The following TENM2 variants were observed in gnomAD, a reference collection of about 807,000 sequenced individuals.
TENM2 encodes the protein teneurin-2.
A neutral mutation model predicts 245.2 loss-of-function variants in TENM2; 52 were observed. The ratio of observed to expected loss-of-function variants is 0.21; its 90% confidence interval spans 0.17 to 0.27. The LOEUF (loss-of-function observed/expected upper bound fraction) is 0.27. Ranked by LOEUF, TENM2 falls within the 10% of genes least tolerant of loss-of-function variation. TENM2 has a pLI of 1.00. For synonymous variants in TENM2, 1,363 were observed against 1,438.9 expected, an observed-to-expected ratio of 0.95 and a Z score of 1.19; for missense variants, 3,046 against 3,666.8, an observed-to-expected ratio of 0.83 and a Z score of 4.37.
the TENM2 span, among the ~76,000 whole-genome samples, chr5:167,228,355 T>C: frequency 6.6e-6 from 1 of 151,726 alleles, no homozygotes; most frequent in South Asian, 2.1e-4. Context: ...TGCTTGATCG[T>C]GTCTATTGTT....
intron 2 of TENM2, among the ~76,000 whole-genome samples, chr5:167,421,348 C>T (rs537809617): frequency 1.3e-5 from 2 of 152,254 alleles, no homozygotes; most frequent in South Asian, 4.1e-4. Context: ...ATTAACATTT[C>T]CAGTGTACAC....
chr5:167,908,648 TC>T (rs1419759009), intron 3 of TENM2, among the ~76,000 whole-genome samples: 15 of 126,146 alleles, frequency 1.2e-4, no homozygotes, highest in Non-Finnish European at 2.3e-4. Context: ...CCTCCTCTCT[TC>T]CCCTCTTTGC....
the TENM2 span, among the ~76,000 whole-genome samples, chr5:167,162,470 A>G: frequency 6.6e-6 from 1 of 151,868 alleles, no homozygotes; most frequent in Non-Finnish European, 1.5e-5. Context: ...TCTACTAAAA[A>G]TACAAAATTT....
chr5:168,017,481 C>G (rs1034509291), intron 5 of TENM2, among the ~76,000 whole-genome samples: 2 of 152,176 alleles, frequency 1.3e-5, no homozygotes, highest in African/African-American at 4.8e-5. Context: ...GTCCTTTGCT[C>G]ACTTTATTTG....
intron 1 of TENM2, among the ~76,000 whole-genome samples, chr5:167,351,231 CAATT>C (rs1055907019): frequency 1.1e-4 from 16 of 151,292 alleles, no homozygotes; most frequent in East Asian, 3.9e-4. Context: ...AGATCAACCA[CAATT>C]AATTTCTTAT....
At chr5:167,831,020 G>C (rs924369085) in intron 2 of TENM2, among the ~76,000 whole-genome samples, 2 of 152,118 alleles carry the variant, frequency 1.3e-5, no homozygotes, top group African/African-American at 4.8e-5. Context: ...CTTGCTCTGT[G>C]TTGTGAGTTT....
chr5:167,315,383 T>C (rs1193253335), intron 1 of TENM2, among the ~76,000 whole-genome samples: 1 of 152,170 alleles, frequency 6.6e-6, no homozygotes, highest in Non-Finnish European at 1.5e-5. Context: ...ATAACATGAC[T>C]GTTTTCTCTA....
intron 2 of TENM2, among the ~76,000 whole-genome samples, chr5:167,669,736 G>A (rs1755811472): frequency 6.6e-6 from 1 of 152,088 alleles, no homozygotes; most frequent in Non-Finnish European, 1.5e-5. Context: ...TGGCAGATGG[G>A]GGAGGGAGTG....
the TENM2 span, among the ~76,000 whole-genome samples, chr5:166,979,558 A>C: frequency 6.6e-6 from 1 of 152,106 alleles, no homozygotes; most frequent in Admixed American, 6.5e-5. Flanking sequence ...TTTAATGCTT[A>C]AGGCTTTTTT....
intron 2 of TENM2, among the ~76,000 whole-genome samples, chr5:167,419,955 C>G (rs1763395546): frequency 6.6e-6 from 1 of 152,078 alleles, no homozygotes; most frequent in Non-Finnish European, 1.5e-5. Flanking sequence ...TGGAACATTT[C>G]AATGAGAATT....
chr5:167,969,226 C>G (rs1447600062), intron 4 of TENM2, among the ~76,000 whole-genome samples: 1 of 152,090 alleles, frequency 6.6e-6, no homozygotes, highest in Non-Finnish European at 1.5e-5. Context: ...GTGGTAGGGA[C>G]CTGCTGGTGG....
chr5:167,963,686 C>T (rs1421573980), intron 4 of TENM2, among the ~76,000 whole-genome samples: 2 of 152,218 alleles, frequency 1.3e-5, no homozygotes, highest in Non-Finnish European at 2.9e-5. Context: ...AGTGTGTCTC[C>T]TTAGACCAGT....
At chr5:168,118,477 T>A (rs1795246452) in exon 10 of TENM2, 1 of 1,541,954 alleles carries the variant, frequency 6.5e-7, no homozygotes, top group South Asian at 1.2e-5. Context: ...AGGCGAGCAC[T>A]GTGAGGAAGG....
At chr5:167,420,075 T>C (rs1763406182) in intron 2 of TENM2, among the ~76,000 whole-genome samples, 1 of 152,248 alleles carries the variant, frequency 6.6e-6, no homozygotes. Context: ...TAGAGTTTTA[T>C]ACTTTGCAAA....
intron 5 of TENM2, among the ~76,000 whole-genome samples, chr5:168,007,169 C>G (rs1784887085): frequency 6.6e-6 from 1 of 152,032 alleles, no homozygotes; most frequent in African/African-American, 2.4e-5. Context: ...CTCTGTCACC[C>G]AGGCTGGAGT....
intron 5 of TENM2, among the ~76,000 whole-genome samples, chr5:168,019,217 G>A (rs1359994431): frequency 6.6e-6 from 1 of 152,170 alleles, no homozygotes; most frequent in African/African-American, 2.4e-5. Context: ...AGGTATTGGG[G>A]AGAAGGACAG....
At chr5:167,402,275 A>C (rs1762404723) in intron 2 of TENM2, among the ~76,000 whole-genome samples, 2 of 152,180 alleles carry the variant, frequency 1.3e-5, no homozygotes, top group Non-Finnish European at 2.9e-5. Context: ...TTATATGAGC[A>C]CTGCATCTTC....
chr5:168,249,067 T>C (rs11134497), intron 27 of TENM2, among the ~76,000 whole-genome samples: 97,366 of 151,094 alleles, frequency 0.64, 32,281 homozygotes, highest in African/African-American at 0.79. Context: ...TTGCAGTGAG[T>C]TGAGATCATG....
At chr5:167,694,695 G>T in intron 2 of TENM2, among the ~76,000 whole-genome samples, 1 of 151,994 alleles carries the variant, frequency 6.6e-6, no homozygotes, top group East Asian at 1.9e-4. Flanking sequence ...TTTGAGAATC[G>T]GGCCCCAGCT....
Sources: gnomAD v4.1 joint callset for allele counts (sites outside exome capture counted in the v4.1 genomes callset) on GRCh38, gnomAD v4.1.1 for gene constraint, MANE v1.5 for transcripts, NCBI Gene and HGNC (gene_info 2026-07-23, HGNC 2026-07-21) for gene names.